The following ADAMTS1 variants were observed in gnomAD, a reference collection of about 807,000 sequenced individuals.
ADAMTS1 encodes the protein A disintegrin and metalloproteinase with thrombospondin motifs 1.
Under a neutral mutation model 87.9 loss-of-function variants are expected in ADAMTS1, and 19 were observed. The ratio of observed to expected loss-of-function variants is 0.22; its 90% CI spans 0.15 to 0.32. The LOEUF is 0.32. ADAMTS1 is among the 10% of genes least tolerant of loss of function. The pLI, the probability that ADAMTS1 is intolerant of heterozygous loss-of-function variation, is 1.00. For missense variants in ADAMTS1, 1,240 were observed against 1,259.1 expected (o/e 0.98, Z 0.23); for synonymous variants, 542 against 501.8 (o/e 1.08, Z -1.07).
chr21:26,841,064 C>T lies in ADAMTS1; in HGVS notation c.1312G>A (p.Asp438Asn), dbSNP rs773738210. Residue 438 changes from aspartate (D) to asparagine (N), a missense_variant, in exon 4 of 9, where the codon GAC (aspartate) becomes AAC (asparagine). This residue lies in a region of ADAMTS1 where 317 missense variants were observed against 410.3 expected (regional missense o/e 0.77). Coordinates refer to ENST00000284984, the MANE Select transcript of ADAMTS1 (RefSeq NM_006988.5). Reference protein sequence around the residue: ...HMMASMLSNLDHSQPWSPCSA... With the variant: ...HMMASMLSNLNHSQPWSPCSA... Reference sequence around the variant, plus strand: ...CAAGGAGACCAAGGCTGGCTGTGGTCCAGGTTGGAAAGCATTGACGCCATC... The same window carrying T: ...CAAGGAGACCAAGGCTGGCTGTGGTTCAGGTTGGAAAGCATTGACGCCATC... 1.2e-6 allele frequency: 2 copies of T among 1,614,134 alleles called. No individual in the cohort carries two copies. The highest frequency in any genetic ancestry group is 2.2e-5 in the South Asian group (2 of 91,076).
Position 26,844,598 on chromosome 21 carries a change from G to C in ADAMTS1, c.357C>G (p.Asp119Glu). The change falls in exon 1 of 9, where the codon GAC (aspartate) becomes GAG (glutamate). Residue 119 changes from aspartate to glutamate, a missense_variant. Physicochemically the swap from Asp to Glu is conservative, Grantham distance 45 (BLOSUM62 2). Transcript: ENST00000284984. ...TGCCGGAGTAGAAGCAGTGCGCCAG[G>C]TCGGTTTCCGGAAGCGGCGTCTCGG... is the stretch of plus-strand genomic sequence containing the variant. ...SGSETPLPET[D>E]LAHCFYSGTV... 6.2e-7 allele frequency: 1 copy of C among 1,610,938 alleles called. No individual in the cohort carries two copies. Among genetic ancestry groups the C allele is most frequent in the Non-Finnish European group, 8.5e-7 (1 of 1,178,844 alleles).
intron 3 of ADAMTS1, 36 bp from the exon 4 acceptor site, chr21:26,841,201 A>G: frequency 6.2e-7 from 1 of 1,605,688 alleles, no homozygotes; most frequent in Non-Finnish European, 8.5e-7. Flanking sequence ...TAAAGTATGG[A>G]TCATGGCTGG....
chr21:26,840,000 C>T lies in ADAMTS1; in HGVS notation c.1727G>A (p.Gly576Asp). The T allele has an allele frequency of 1.2e-6, 2 of 1,614,120 alleles. No homozygotes were observed. The highest frequency in any genetic ancestry group is 1.7e-6 in the Non-Finnish European group (2 of 1,180,038). ...GPWGDCSRTC[G>D]GGVQYTMREC... ...CCTCATCGTGTACTGGACTCCTCCACCGCACGTTCTCGAACAGTCTCCCCA... is the reference window on the plus strand; with the variant it reads ...CCTCATCGTGTACTGGACTCCTCCATCGCACGTTCTCGAACAGTCTCCCCA... The change falls in exon 6 of 9, where the codon GGT becomes GAT. Residue 576 changes from glycine (G) to aspartate (D), a missense_variant. Gly to Asp is a moderately conservative substitution (Grantham distance 94, BLOSUM62 -1). Coordinates refer to ENST00000284984, the MANE Select transcript of ADAMTS1 (RefSeq NM_006988.5).
intron 1 of ADAMTS1, 93 bp from the exon 2 acceptor site, chr21:26,842,778 A>G: frequency 1.0e-6 from 1 of 999,996 alleles, no homozygotes; most frequent in South Asian, 1.7e-5. Context: ...CAGTCAAAGC[A>G]AACAAAGCAA....
chr21:26,842,693 G>GAA lies in ADAMTS1; in HGVS notation c.731-10_731-9dup. On this transcript the variant is annotated splice_polypyrimidine_tract_variant and intron_variant, in intron 1 of 8. Coordinates refer to ENST00000284984, the MANE Select transcript of ADAMTS1 (RefSeq NM_006988.5). ...TTCTTATGCTTCCAGTTCCTGTAAA[G>GAA]AAAAAAAAAAGTTTGCTTATGGTCA... 6.6e-7 allele frequency: 1 copy of GAA among 1,522,276 alleles called. No individual in the cohort carries two copies. The highest frequency in any genetic ancestry group is 8.9e-7 in the Non-Finnish European group (1 of 1,124,750). 94.3% of individuals were successfully genotyped at this position (1,522,276 alleles called of 1,614,324 possible).
chr21:26,837,856 C>T lies in ADAMTS1; in HGVS notation c.2627G>A (p.Arg876Lys). The T allele has an allele frequency of 2.5e-6, 4 of 1,614,222 alleles. No homozygotes were observed. The highest frequency in any genetic ancestry group is 1.7e-6 in the Non-Finnish European group (2 of 1,180,040). Residue 876 changes from arginine (R) to lysine (K), a missense_variant, in exon 9 of 9, where the codon AGA becomes AAA. By Grantham distance (26) the Arg-to-Lys change is conservative (BLOSUM62 2). This residue lies in a region of ADAMTS1 where 402 missense variants were observed against 399.1 expected (regional missense o/e 1.01). Transcript: ENST00000284984. ...AATGTCTCGGCATTCTACCAGTCTT[C>T]TCTGCCAACCCAATTCACATGACTT... is the stretch of plus-strand genomic sequence containing the variant. ...CSKSCELGWQ[R>K]RLVECRDING... is the part of the protein sequence containing the mutation.
Position 26,839,963 on chromosome 21 carries a change from G to A in ADAMTS1, c.1764C>T (p.Asn588=). 6.2e-7 allele frequency: 1 copy of A among 1,614,002 alleles called. No homozygotes were observed. Among genetic ancestry groups the A allele is most frequent in the African/African-American group, 1.3e-5 (1 of 74,974 alleles). ...ACTTCCCTCCATTCTTTGGGACTGG[G>A]TTGTCACATTCCCTCATCGTGTACT... ...GVQYTMRECD[N]PVPKNGGKYC... Residue 588 remains asparagine (N), a synonymous_variant, in exon 6 of 9, where the codon AAC becomes AAT. Coordinates refer to ENST00000284984, the MANE Select transcript of ADAMTS1 (RefSeq NM_006988.5).
chr21:26,836,409 AAT>A lies in ADAMTS1; in HGVS notation c.*1168_*1169del, dbSNP rs749858609. ...CATTAGAAATAAATGTATAAAAATA[AAT>A]ATGTTATTATAGGCATTTATTACTA... On this transcript the variant is annotated 3_prime_UTR_variant, in exon 9 of 9. Transcript: ENST00000284984. The A allele has an allele frequency of 1.4e-4, 21 of 152,792 alleles. No homozygotes were observed. Among genetic ancestry groups the A allele is most frequent in the Admixed American group, 2.6e-4 (4 of 15,300 alleles). The allele number at this position is 152,792 out of a possible 1,614,324, so 9.5% of individuals were successfully genotyped here. A position where few individuals can be genotyped will look rare whatever the true frequency, so the allele number is the denominator to read the frequency against.
At position 26,844,576 on chromosome 21, in the gene ADAMTS1, C is replaced by G. The variant is rs149819722; in HGVS notation, c.379G>C (p.Gly127Arg). ...GAGCTGGGATCGCCATTCACGGTGCCGGAGTAGAAGCAGTGCGCCAGGTCG... is the reference window on the plus strand; with the variant it reads ...GAGCTGGGATCGCCATTCACGGTGCGGGAGTAGAAGCAGTGCGCCAGGTCG... The part of the protein sequence containing the change: ...ETDLAHCFYS[G>R]TVNGDPSSAA... Residue 127 changes from glycine to arginine, a missense_variant, in exon 1 of 9, where the codon GGC becomes CGC. Coordinates refer to ENST00000284984, the MANE Select transcript of ADAMTS1 (RefSeq NM_006988.5). The G allele has an allele frequency of 1.2e-6, 2 of 1,610,920 alleles. No individual in the cohort carries two copies. Among genetic ancestry groups the G allele is most frequent in the Non-Finnish European group, 1.7e-6 (2 of 1,178,932 alleles).
rs1184354106 is a variant in ADAMTS1 at position 26,837,077 on chromosome 21, A to G, written c.*502T>C. On this transcript the variant is annotated 3_prime_UTR_variant, in exon 9 of 9. Transcript: ENST00000284984. ...ATGTATAAACATTCTCTGAAACCATAGCAGCCATAAACAGTGCTGGTCAAA... is the reference window on the plus strand; with the variant it reads ...ATGTATAAACATTCTCTGAAACCATGGCAGCCATAAACAGTGCTGGTCAAA... 2 of 154,834 alleles carry G rather than the reference A, an allele frequency of 1.3e-5. No homozygotes were observed. The highest frequency in any genetic ancestry group is 2.4e-5 in the African/African-American group (1 of 41,452). The allele number at this position is 154,834 out of a possible 1,614,324, so 9.6% of individuals were successfully genotyped here.
intron 7 of ADAMTS1, chr21:26,839,035 A>T (rs1035542137): frequency 2.4e-5 from 4 of 163,876 alleles, no homozygotes; most frequent in African/African-American, 9.6e-5. Context: ...CATCTCAATC[A>T]CATTAAATTC....
intron 5 of ADAMTS1, 64 bp downstream of exon 5, chr21:26,840,212 A>G: frequency 6.3e-7 from 1 of 1,575,152 alleles, no homozygotes; most frequent in Non-Finnish European, 8.6e-7. Context: ...TTAACTTGGT[A>G]TCATATCTTT....
chr21:26,840,616 G>A (rs1022160168), intron 4 of ADAMTS1, 54 bp from the exon 5 acceptor site: 2 of 1,549,378 alleles, frequency 1.3e-6, no homozygotes, highest in African/African-American at 1.4e-5. Context: ...GGCATGAAGG[G>A]GTAGATCCCA....
At position 26,839,997 on chromosome 21, in the gene ADAMTS1, C is replaced by T; in HGVS notation, c.1730G>A (p.Gly577Glu). The part of the protein sequence containing the change: ...PWGDCSRTCG[G>E]GVQYTMRECD... ...TTCCCTCATCGTGTACTGGACTCCT[C>T]CACCGCACGTTCTCGAACAGTCTCC... Residue 577 changes from glycine to glutamate, a missense_variant, in exon 6 of 9, where the codon GGA (glycine) becomes GAA (glutamate). Coordinates refer to ENST00000284984, the MANE Select transcript of ADAMTS1 (RefSeq NM_006988.5). 1 of 1,614,128 alleles carries T rather than the reference C, an allele frequency of 6.2e-7. No individual in the cohort carries two copies. Among genetic ancestry groups the T allele is most frequent in the Non-Finnish European group, 8.5e-7 (1 of 1,180,048 alleles).
In ADAMTS1 at chr21:26,838,232, T is replaced by C; in HGVS notation, c.2251A>G (p.Ile751Val). 2.5e-6 allele frequency: 4 copies of C among 1,613,432 alleles called. No individual in the cohort carries two copies. Among genetic ancestry groups the C allele is most frequent in the African/African-American group, 1.3e-5 (1 of 75,018 alleles). Residue 751 changes from isoleucine (I) to valine (V), a missense_variant, in exon 9 of 9, where the codon ATC (isoleucine) becomes GTC (valine). Coordinates refer to ENST00000284984, the MANE Select transcript of ADAMTS1 (RefSeq NM_006988.5). ...CTCTGGTTCCGCTGTTTCACTTCGATGTTGGTGGCTCCAGTTGGAATTGTG... is the reference window on the plus strand; with the variant it reads ...CTCTGGTTCCGCTGTTTCACTTCGACGTTGGTGGCTCCAGTTGGAATTGTG... ...IITIPTGATNIEVKQRNQRGS... is the reference protein window; with the variant it reads ...IITIPTGATNVEVKQRNQRGS...
intron 1 of ADAMTS1, among the ~76,000 whole-genome samples, chr21:26,843,248 C>G (rs552517808): frequency 8.5e-5 from 13 of 152,322 alleles, no homozygotes; most frequent in Admixed American, 8.5e-4. Flanking sequence ...CCAGCAGCCT[C>G]TGGCCCCACT....
Position 26,845,229 on chromosome 21 carries a change from A to G in ADAMTS1, c.-275T>C, listed in dbSNP as rs1985598838. 1.3e-5 allele frequency: 5 copies of G among 371,352 alleles called. No individual in the cohort carries two copies. Among genetic ancestry groups the G allele is most frequent in the Non-Finnish European group, 2.4e-5 (5 of 211,156 alleles). The allele number at this position is 371,352 out of a possible 1,614,324, so 23.0% of individuals were successfully genotyped here. A position where few individuals can be genotyped will look rare whatever the true frequency, so the allele number is the denominator to read the frequency against. On this transcript the variant is annotated 5_prime_UTR_variant, in exon 1 of 9. Transcript: ENST00000284984. ...CAGGCAGAGTGGCTCTGCTGGGACA[A>G]GAAGCGCTCTGGGGCGCCTCCGGGG...
chr21:26,844,196 GGACA>G lies in ADAMTS1; in HGVS notation c.730+25_730+28del, dbSNP rs760496471. 1.4e-5 allele frequency: 22 copies of G among 1,520,954 alleles called. No individual in the cohort carries two copies. In the East Asian group the frequency reaches 2.3e-4, roughly 16 times the overall value. 94.2% of individuals were successfully genotyped at this position (1,520,954 alleles called of 1,614,324 possible). ...ATAAAGTGAGGAGAGGAGGATGAAT[GGACA>G]GACAAACGAGAGCAATTCTTCTACC... On this transcript the variant is annotated intron_variant, in intron 1 of 8. Transcript: ENST00000284984.
rs1985585668 is a variant in ADAMTS1, at chr21:26,844,812, T to C, written c.143A>G (p.Asp48Gly). The part of the protein sequence containing the change: ...LLAAALLAVS[D>G]ALGRPSEEDE... Reference sequence around the variant, plus strand: ...CTCCTCGGAGGGGCGCCCGAGTGCGTCCGACACGGCCAGTAGCGCCGCGGC... The same window carrying C: ...CTCCTCGGAGGGGCGCCCGAGTGCGCCCGACACGGCCAGTAGCGCCGCGGC... Residue 48 changes from aspartate (D) to glycine (G), a missense_variant, in exon 1 of 9, where the codon GAC becomes GGC. Transcript: ENST00000284984. 1.9e-6 allele frequency: 3 copies of C among 1,548,210 alleles called. No individual in the cohort carries two copies. The highest frequency in any genetic ancestry group is 2.6e-6 in the Non-Finnish European group (3 of 1,146,292).
Sources: allele counts gnomAD v4.1 joint callset (sites outside exome capture counted in the v4.1 genomes callset), GRCh38; gene constraint gnomAD v4.1.1; regional missense constraint gnomAD v4.1.1; transcripts MANE v1.5; gene names NCBI Gene and HGNC (gene_info 2026-07-23, HGNC 2026-07-21).